The following GANC variants were observed in gnomAD, a reference collection of about 807,000 sequenced individuals.
GANC encodes neutral alpha-glucosidase C.
GANC carries 117 observed loss-of-function variants against 124.2 expected under a neutral mutation model. That is an observed-to-expected ratio of 0.94 (90% CI 0.81 to 1.10). The LOEUF (loss-of-function observed/expected upper bound fraction) is 1.10. Ranked by LOEUF, GANC falls within the 50% of genes least tolerant of loss-of-function variation. The pLI, the probability that GANC is intolerant of heterozygous loss-of-function variation, is 0.00. For synonymous variants in GANC, 377 were observed against 376.8 expected, an observed-to-expected ratio of 1.00 and a Z score of -0.01; for missense variants, 1,140 against 1,095.0, an observed-to-expected ratio of 1.04 and a Z score of -0.58.
intron 17 of GANC, among the ~76,000 whole-genome samples, chr15:42,340,476 TGCCTGTAATCC>T (rs2052320866): frequency 6.6e-6 from 1 of 151,780 alleles, no homozygotes; most frequent in Non-Finnish European, 1.5e-5. Context: ...TGGTGGTGTG[TGCCTGTAATCC>T]CAGCTACTTG....
chr15:42,329,264 A>G, intron 13 of GANC, 42 bp from the exon 14 acceptor site: 26 of 1,582,382 alleles, frequency 1.6e-5, no homozygotes, highest in Non-Finnish European at 2.2e-5. Flanking sequence ...TTATATAGAC[A>G]TCATCAATGT....
chr15:42,293,978 G>A (rs1371650968), intron 5 of GANC, among the ~76,000 whole-genome samples: 1 of 151,528 alleles, frequency 6.6e-6, no homozygotes, highest in Non-Finnish European at 1.5e-5. Flanking sequence ...TTGAGCCCAG[G>A]AGGTCAAGAC....
In GANC at chr15:42,340,683, TC is replaced by T; in HGVS notation, c.2088-3del. 1 of 1,589,492 alleles carries T rather than the reference TC, an allele frequency of 6.3e-7. No homozygotes were observed. Among genetic ancestry groups the T allele is most frequent in the Non-Finnish European group, 8.5e-7 (1 of 1,172,094 alleles). On this transcript the variant is annotated splice_region_variant and splice_polypyrimidine_tract_variant and intron_variant, in intron 17 of 23. Transcript: ENST00000318010. ...TGTTAAAACAATAATTTTTTTTCTT[TC>T]CCCAGGCCTCTGTGGGTAGAGTTCC...
chr15:42,352,606 A>G lies in GANC; in HGVS notation c.*467A>G. The G allele has an allele frequency of 9.9e-7, 1 of 1,006,360 alleles. No individual in the cohort carries two copies. Among genetic ancestry groups the G allele is most frequent in the South Asian group, 4.2e-5 (1 of 23,586 alleles). The allele number at this position is 1,006,360 out of a possible 1,614,324, so 62.3% of individuals were successfully genotyped here. On this transcript the variant is annotated 3_prime_UTR_variant, in exon 24 of 24. Coordinates refer to ENST00000318010, the MANE Select transcript of GANC (RefSeq NM_198141.3). ...TACTCCCCCCAGTTATCTTCCACCC[A>G]CATGGACTGGGCAGAGCAGCCCTCT...
rs774086206 is a variant in GANC at position 42,292,853 on chromosome 15, G to A, written c.448G>A (p.Val150Met). Residue 150 changes from valine (V) to methionine (M), a missense_variant, in exon 5 of 24, where the codon GTG (valine) becomes ATG (methionine). Transcript: ENST00000318010. ...AGACTTGGTGTCTGAAGAAGAGGTT[G>A]TGATTAGCATAAATTCCCTGGGCCA... Reference protein sequence around the residue: ...KVDLVSEEEVVISINSLGQLY... With the variant: ...KVDLVSEEEVMISINSLGQLY... The A allele has an allele frequency of 6.2e-7, 1 of 1,614,150 alleles. No individual in the cohort carries two copies. The highest frequency in any genetic ancestry group is 1.1e-5 in the South Asian group (1 of 91,080).
chr15:42,274,802 C>T (rs1296779581), intron 1 of GANC, among the ~76,000 whole-genome samples: 1 of 151,914 alleles, frequency 6.6e-6, no homozygotes, highest in East Asian at 1.9e-4. Flanking sequence ...CCTCGGAGTC[C>T]CAGCTACTTG....
At chr15:42,324,960 T>G (rs1181639983) in intron 11 of GANC, among the ~76,000 whole-genome samples, 1 of 152,078 alleles carries the variant, frequency 6.6e-6, no homozygotes, top group African/African-American at 2.4e-5. Context: ...TTATGTGTAT[T>G]TTACCACAAT....
At chr15:42,328,066 A>C (rs936478848) in intron 13 of GANC, among the ~76,000 whole-genome samples, 1 of 152,212 alleles carries the variant, frequency 6.6e-6, no homozygotes, top group African/African-American at 2.4e-5. Flanking sequence ...AACCCCATAG[A>C]AGAGGAAATT....
Position 42,278,109 on chromosome 15 carries a change from G to A in GANC, c.93-373G>A, listed in dbSNP as rs147811061. On this transcript the variant is annotated intron_variant, in intron 2 of 23. Transcript: ENST00000318010. ...GCCTGGTAACCTTGTTAAACCACTA[G>A]ATTATATTTAATATCCACTAGAAAT... The A allele has an allele frequency of 4.8e-3, 1,577 of 325,704 alleles. 13 individuals carry two copies. Among genetic ancestry groups the A allele is most frequent in the Middle Eastern group, 0.012 (29 of 2,336 alleles). 20.2% of individuals were successfully genotyped at this position (325,704 alleles called of 1,614,324 possible).
At chr15:42,351,051 T>A (rs2052429952) in intron 22 of GANC, among the ~76,000 whole-genome samples, 1 of 151,072 alleles carries the variant, frequency 6.6e-6, no homozygotes, top group African/African-American at 2.4e-5. Flanking sequence ...TTTGTATTTT[T>A]AGTATAGACA....
chr15:42,288,032 GT>G (rs1286509338), intron 4 of GANC, among the ~76,000 whole-genome samples: 2 of 152,090 alleles, frequency 1.3e-5, no homozygotes, highest in Non-Finnish European at 2.9e-5. Context: ...TATCCATTCT[GT>G]TTTTTCTTCA....
At chr15:42,345,382 C>T (rs1015172426) in intron 19 of GANC, among the ~76,000 whole-genome samples, 2 of 151,708 alleles carry the variant, frequency 1.3e-5, no homozygotes, top group Admixed American at 6.6e-5. Context: ...TCACCTCTTT[C>T]ACTACTAGAA....
Position 42,321,772 on chromosome 15 carries a change from C to A in GANC, c.1058-13C>A. On this transcript the variant is annotated splice_polypyrimidine_tract_variant and intron_variant, in intron 10 of 23. Transcript: ENST00000318010. ...CCATGGCAGTTGACTCAGTTGTCATCTCCCTCTTTTAGGCACACAAGCCAT... is the reference window on the plus strand; with the variant it reads ...CCATGGCAGTTGACTCAGTTGTCATATCCCTCTTTTAGGCACACAAGCCAT... 6.2e-7 allele frequency: 1 copy of A among 1,610,652 alleles called. No individual in the cohort carries two copies. The highest frequency in any genetic ancestry group is 1.1e-5 in the South Asian group (1 of 91,008).
intron 3 of GANC, among the ~76,000 whole-genome samples, chr15:42,286,546 C>T (rs1025552284): frequency 1.3e-5 from 2 of 152,168 alleles, no homozygotes; most frequent in African/African-American, 4.8e-5. Context: ...ATTAAACATG[C>T]AAGCAGTAAT....
At chr15:42,282,257 G>C (rs1247430097) in intron 3 of GANC, among the ~76,000 whole-genome samples, 1 of 152,140 alleles carries the variant, frequency 6.6e-6, no homozygotes, top group African/African-American at 2.4e-5. Context: ...GGAGTCAGAG[G>C]TTGCAGTGAG....
At chr15:42,329,051 G>C (rs1316737314) in intron 13 of GANC, among the ~76,000 whole-genome samples, 2 of 152,244 alleles carry the variant, frequency 1.3e-5, no homozygotes, top group East Asian at 3.9e-4. Flanking sequence ...AGACAACACA[G>C]GGCAGCATTC....
At chr15:42,335,327 A>T (rs981795658) in intron 15 of GANC, among the ~76,000 whole-genome samples, 2 of 152,218 alleles carry the variant, frequency 1.3e-5, no homozygotes, top group Non-Finnish European at 2.9e-5. Context: ...AAGTCAATAA[A>T]TGTGATTCAT....
At position 42,292,929 on chromosome 15, in the gene GANC, C is replaced by T; in HGVS notation, c.512+12C>T. 1 of 1,609,898 alleles carries T rather than the reference C, an allele frequency of 6.2e-7. No homozygotes were observed. The highest frequency in any genetic ancestry group is 1.1e-5 in the South Asian group (1 of 90,828). On this transcript the variant is annotated intron_variant, in intron 5 of 23. Coordinates refer to ENST00000318010, the MANE Select transcript of GANC (RefSeq NM_198141.3). ...CTTCACAAACAAAGGTATTCTTATG[C>T]ATTACTTGACACATAAAGACCTTAA...
chr15:42,331,209 G>T (rs564550287), intron 15 of GANC, among the ~76,000 whole-genome samples: 6 of 152,304 alleles, frequency 3.9e-5, no homozygotes, highest in Admixed American at 6.5e-5. Context: ...TTAGTCATTT[G>T]ATACTTGTTT....
Sources: gnomAD v4.1 joint callset for allele counts (sites outside exome capture counted in the v4.1 genomes callset) on GRCh38, gnomAD v4.1.1 for gene constraint, MANE v1.5 for transcripts, NCBI Gene and HGNC (gene_info 2026-07-23, HGNC 2026-07-21) for gene names.